Variants in EVL observed in about 807,000 individuals in gnomAD.
The protein encoded by EVL is ena/VASP-like protein.
EVL carries 21 observed loss-of-function variants against 59.6 expected under a neutral mutation model. That is an observed-to-expected ratio of 0.35 (90% confidence interval 0.25 to 0.51). The LOEUF is 0.51. EVL is among the 20% of genes least tolerant of loss of function. The pLI, the probability that EVL is intolerant of heterozygous loss-of-function variation, is 0.97. For synonymous variants in EVL, 198 were observed against 203.5 expected (o/e 0.97, Z 0.23); for missense variants, 462 against 546.6 (o/e 0.85, Z 1.54).
chr14:100,067,245 C>T (rs985864260), intron 1 of EVL, among the ~76,000 whole-genome samples: 4 of 152,172 alleles, frequency 2.6e-5, no homozygotes, highest in Non-Finnish European at 5.9e-5. Flanking sequence ...TTCGTTTTTC[C>T]TCATGCTGAC....
intron 3 of EVL, among the ~76,000 whole-genome samples, chr14:100,112,175 G>A (rs1032960838): frequency 3.9e-5 from 6 of 152,136 alleles, no homozygotes; most frequent in African/African-American, 1.2e-4. Flanking sequence ...AAATATTTTG[G>A]TAGATAACTC....
At chr14:100,048,903 A>T (rs1382468692) in intron 1 of EVL, among the ~76,000 whole-genome samples, 4 of 152,214 alleles carry the variant, frequency 2.6e-5, no homozygotes, top group Non-Finnish European at 5.9e-5. Flanking sequence ...AACTGTTGAG[A>T]TGGAGAACAG....
At chr14:100,129,953 G>C (rs1234823327) in intron 7 of EVL, among the ~76,000 whole-genome samples, 1 of 152,226 alleles carries the variant, frequency 6.6e-6, no homozygotes, top group East Asian at 1.9e-4. Context: ...GTCCTGAGCA[G>C]AGATAAATGT....
At chr14:100,129,116 T>G (rs1048732383) in intron 6 of EVL, among the ~76,000 whole-genome samples, 1 of 152,232 alleles carries the variant, frequency 6.6e-6, no homozygotes, top group African/African-American at 2.4e-5. Flanking sequence ...CTTTCCACTG[T>G]AGGAAGCTGT....
chr14:100,002,218 G>C (rs546025906), intron 1 of EVL, among the ~76,000 whole-genome samples: 26 of 152,114 alleles, frequency 1.7e-4, no homozygotes, highest in Non-Finnish European at 3.7e-4. Context: ...AGTCCTGAAA[G>C]TTTTTCGTCA....
At position 100,070,931 on chromosome 14, in the gene EVL, G is replaced by C. The variant is rs182379038; in HGVS notation, c.11+5420G>C. Among the ~76,000 whole-genome samples, 243 of 152,354 alleles carry C rather than the reference G, an allele frequency of 1.6e-3. 5 individuals carry two copies. The highest frequency in any genetic ancestry group is 4.9e-4 in the Non-Finnish European group (33 of 68,030). On this transcript the variant is annotated intron_variant, in intron 1 of 13. Coordinates refer to ENST00000392920, the MANE Select transcript of EVL (RefSeq NM_016337.3). The stretch of plus-strand genomic sequence containing the variant: ...AGCCTTAACGTCCACGTGGCTGTCA[G>C]ATGGCTCCCCAAAGAAAGGGCTACG...
At chr14:100,005,500 G>T (rs1002673310) in intron 1 of EVL, among the ~76,000 whole-genome samples, 3 of 151,920 alleles carry the variant, frequency 2.0e-5, no homozygotes, top group African/African-American at 7.3e-5. Flanking sequence ...GCATCAGAGG[G>T]TGCAAGAGAA....
chr14:100,143,567 G>A (rs1889332172), intron 13 of EVL, 134 bp from the exon 14 acceptor site: 1 of 1,089,270 alleles, frequency 9.2e-7, no homozygotes, highest in Non-Finnish European at 1.3e-6. Flanking sequence ...CTATGCCAAA[G>A]CCTGGGTGGG....
At chr14:100,090,165 T>G (rs2062534365) in intron 2 of EVL, among the ~76,000 whole-genome samples, 1 of 152,016 alleles carries the variant, frequency 6.6e-6, no homozygotes, top group African/African-American at 2.4e-5. Flanking sequence ...TTTTTTTGAA[T>G]GAGAAAGTTG....
At chr14:99,993,685 C>CTTTTTTTTTTTTTTT (rs532512303) in intron 1 of EVL, among the ~76,000 whole-genome samples, 11 of 78,262 alleles carry the variant, frequency 1.4e-4, no homozygotes, top group African/African-American at 2.4e-4. Context: ...TTCTTTCTTT[C>CTTTTTTTTTTTTTTT]TTTTTTTTTT....
chr14:100,107,082 A>C, intron 3 of EVL: 1 of 398,732 alleles, frequency 2.5e-6, no homozygotes, highest in Non-Finnish European at 4.4e-6. Flanking sequence ...GTGGCAGTTC[A>C]CATGACACGA....
intron 9 of EVL, 135 bp from the exon 10 acceptor site, chr14:100,137,443 C>T (rs1304903832): frequency 2.2e-6 from 2 of 911,262 alleles, no homozygotes; most frequent in African/African-American, 1.6e-5. Context: ...TGGCTTAACT[C>T]AATCAGACCT....
chr14:100,049,329 TAGTTCA>T (rs2061608651), intron 1 of EVL, among the ~76,000 whole-genome samples: 1 of 152,228 alleles, frequency 6.6e-6, no homozygotes, highest in Non-Finnish European at 1.5e-5. Flanking sequence ...CGTGTGAGTG[TAGTTCA>T]AGTTCAAGGA....
chr14:100,062,145 G>T (rs901549916), upstream of EVL, among the ~76,000 whole-genome samples: 7 of 151,584 alleles, frequency 4.6e-5, no homozygotes, highest in African/African-American at 7.3e-5. Flanking sequence ...CTCAAAAAAA[G>T]AAATAGTAGT....
chr14:100,123,428 G>A, intron 3 of EVL, 111 bp from the exon 4 acceptor site: 1 of 1,012,250 alleles, frequency 9.9e-7, no homozygotes, highest in African/African-American at 1.6e-5. Flanking sequence ...AGATTCTTAA[G>A]GATGTCTCTT....
intron 1 of EVL, among the ~76,000 whole-genome samples, chr14:100,001,629 C>G (rs149825448): frequency 6.6e-6 from 1 of 152,152 alleles, no homozygotes; most frequent in African/African-American, 2.4e-5. Flanking sequence ...CAAGCCCAGC[C>G]GTGGATTTGT....
intron 2 of EVL, among the ~76,000 whole-genome samples, chr14:100,086,693 C>T (rs987919001): frequency 4.6e-5 from 7 of 152,210 alleles, no homozygotes; most frequent in South Asian, 2.1e-4. Context: ...GAGGGACTGA[C>T]GGCAGTCTTC....
intron 1 of EVL, among the ~76,000 whole-genome samples, chr14:99,982,876 A>G (rs2034462413): frequency 6.6e-6 from 1 of 152,202 alleles, no homozygotes; most frequent in Non-Finnish European, 1.5e-5. Context: ...GGTACTACTT[A>G]TCAGCTGACT....
chr14:100,097,354 C>T (rs1885887469), intron 2 of EVL, 127 bp from the exon 3 acceptor site: 2 of 811,388 alleles, frequency 2.5e-6, no homozygotes, highest in South Asian at 3.8e-5. Context: ...TTGCTTTTCC[C>T]TTCTTCAAAC....
Sources: allele counts gnomAD v4.1 joint callset (sites outside exome capture counted in the v4.1 genomes callset), GRCh38; gene constraint gnomAD v4.1.1; transcripts MANE v1.5; gene names NCBI Gene and HGNC (gene_info 2026-07-23, HGNC 2026-07-21).